Variants in STIM1 observed in about 807,000 individuals in gnomAD.
STIM1 encodes stromal interaction molecule 1.
Under a neutral mutation model 74.7 loss-of-function variants are expected in STIM1, and 25 were observed. The observed-to-expected ratio is 0.33, with a 90% CI of 0.24 to 0.47. STIM1 has a LOEUF of 0.47. Among genes scored for constraint, STIM1 ranks in the 20% least tolerant of loss-of-function variants. STIM1 has a pLI of 1.00. For missense variants in STIM1, 728 were observed against 920.8 expected (o/e 0.79, Z 2.71); for synonymous variants, 328 against 348.8 (o/e 0.94, Z 0.66).
intron 10 of STIM1, 155 bp downstream of exon 10, chr11:4,083,653 T>C (rs1410826788): frequency 1.4e-5 from 10 of 723,412 alleles, no homozygotes; most frequent in South Asian, 1.2e-4. Context: ...TTTACTCAGG[T>C]TATTTCTTTA....
intron 5 of STIM1, among the ~76,000 whole-genome samples, chr11:4,059,885 A>G (rs549402340): frequency 5.9e-5 from 9 of 152,254 alleles, no homozygotes; most frequent in Non-Finnish European, 1.3e-4. Flanking sequence ...ATGCTCAGGG[A>G]TAGAAGTAAC....
intron 5 of STIM1, among the ~76,000 whole-genome samples, chr11:4,065,897 G>GTA (rs1209748141): frequency 6.6e-6 from 1 of 152,180 alleles, no homozygotes; most frequent in African/African-American, 2.4e-5. Context: ...ATCTGCCAGG[G>GTA]TATTGTGTGA....
chr11:3,910,288 GA>G (rs1195173001), intron 1 of STIM1, among the ~76,000 whole-genome samples: 2 of 152,224 alleles, frequency 1.3e-5, no homozygotes, highest in African/African-American at 4.8e-5. Flanking sequence ...GGAAAGGTTA[GA>G]AAAGAGTATG....
chr11:3,885,868 G>T (rs574857142), intron 1 of STIM1, among the ~76,000 whole-genome samples: 62 of 152,130 alleles, frequency 4.1e-4, no homozygotes, highest in Non-Finnish European at 7.8e-4. Context: ...AAACTCCTGG[G>T]CTCAAGCAGT....
rs148272441 is a variant in STIM1, at chr11:4,080,521, T to C, written c.970-1663T>C. Among the ~76,000 whole-genome samples the C allele has an allele frequency of 4.2e-3, 612 of 147,128 alleles. 22 individuals carry two copies. Among genetic ancestry groups the C allele is most frequent in the Admixed American group, 0.036 (507 of 13,952 alleles). On this transcript the variant is annotated intron_variant, in intron 7 of 12. Transcript: ENST00000526596. ...TCACTCTATTGCCCAGGCTGGAGTGTGGTAGCACGATCTTGGCTCACTGCA... is the reference window on the plus strand; with the variant it reads ...TCACTCTATTGCCCAGGCTGGAGTGCGGTAGCACGATCTTGGCTCACTGCA...
At chr11:4,048,495 A>C (rs16929477) in intron 3 of STIM1, among the ~76,000 whole-genome samples, 2 of 152,028 alleles carry the variant, frequency 1.3e-5, no homozygotes, top group Non-Finnish European at 1.5e-5. Flanking sequence ...TAAGTTCAGC[A>C]TATCTGTATT....
chr11:3,862,884 A>ACG (rs1014809450), intron 1 of STIM1, among the ~76,000 whole-genome samples: 3 of 144,840 alleles, frequency 2.1e-5, no homozygotes, highest in African/African-American at 8.6e-5. Context: ...ACACACGCAC[A>ACG]CACACACACA....
intron 2 of STIM1, among the ~76,000 whole-genome samples, chr11:4,010,563 A>G (rs1034454798): frequency 6.6e-6 from 1 of 152,178 alleles, no homozygotes; most frequent in Non-Finnish European, 1.5e-5. Context: ...TGACTTCTGC[A>G]AACTTGTCTC....
At chr11:3,888,798 C>T (rs1367677573) in intron 1 of STIM1, among the ~76,000 whole-genome samples, 2 of 151,990 alleles carry the variant, frequency 1.3e-5, no homozygotes, top group Non-Finnish European at 2.9e-5. Context: ...GTGATCCGCC[C>T]GTGTCGGCTT....
At chr11:3,986,491 T>C (rs953535802) in intron 2 of STIM1, among the ~76,000 whole-genome samples, 1 of 152,178 alleles carries the variant, frequency 6.6e-6, no homozygotes, top group Non-Finnish European at 1.5e-5. Flanking sequence ...TGTGCCATAC[T>C]GAGGAACTTG....
At chr11:4,018,074 G>A (rs1428530570) in intron 2 of STIM1, among the ~76,000 whole-genome samples, 2 of 152,188 alleles carry the variant, frequency 1.3e-5, no homozygotes, top group African/African-American at 4.8e-5. Flanking sequence ...CAGCACTTTG[G>A]GAGGCCGAGA....
At chr11:3,904,066 A>G (rs1385178545) in intron 1 of STIM1, among the ~76,000 whole-genome samples, 4 of 151,800 alleles carry the variant, frequency 2.6e-5, no homozygotes, top group African/African-American at 4.8e-5. Flanking sequence ...GTGTGGTGGT[A>G]TGTGCCTGTA....
intron 1 of STIM1, among the ~76,000 whole-genome samples, chr11:3,931,302 C>T (rs991487440): frequency 1.3e-5 from 2 of 152,166 alleles, no homozygotes; most frequent in Non-Finnish European, 2.9e-5. Flanking sequence ...CATGTCAGTT[C>T]ATTTATTCAG....
chr11:4,052,648 T>G (rs1168937183), intron 3 of STIM1, among the ~76,000 whole-genome samples: 1 of 152,180 alleles, frequency 6.6e-6, no homozygotes, highest in African/African-American at 2.4e-5. Context: ...GAAGAAAACC[T>G]AGGCAATACC....
At chr11:3,869,142 T>C (rs1182626716) in intron 1 of STIM1, among the ~76,000 whole-genome samples, 1 of 152,168 alleles carries the variant, frequency 6.6e-6, no homozygotes, top group Non-Finnish European at 1.5e-5. Context: ...TTAATTTTTT[T>C]GTATTTTTAG....
chr11:3,910,095 T>C (rs1565111983), intron 1 of STIM1, among the ~76,000 whole-genome samples: 1 of 152,120 alleles, frequency 6.6e-6, no homozygotes, highest in South Asian at 2.1e-4. Context: ...GCAAGATGTT[T>C]AGGAGATAAG....
chr11:4,047,642 AG>A (rs199918425), intron 3 of STIM1, among the ~76,000 whole-genome samples: 23 of 150,314 alleles, frequency 1.5e-4, no homozygotes, highest in African/African-American at 5.7e-4. Context: ...AACAAAACAA[AG>A]ACAAAGACAA....
At chr11:3,991,962 A>G (rs1198110716) in intron 2 of STIM1, among the ~76,000 whole-genome samples, 6 of 120,116 alleles carry the variant, frequency 5.0e-5, no homozygotes, top group African/African-American at 1.5e-4. Flanking sequence ...AAAAAAAAAA[A>G]AAAAAAAAAA....
intron 1 of STIM1, among the ~76,000 whole-genome samples, chr11:3,940,985 A>G (rs559412687): frequency 2.0e-5 from 3 of 152,158 alleles, no homozygotes; most frequent in African/African-American, 7.2e-5. Context: ...TCTATATGCC[A>G]CCACTTAGTT....
Sources: gnomAD v4.1 joint callset for allele counts (sites outside exome capture counted in the v4.1 genomes callset) on GRCh38, gnomAD v4.1.1 for gene constraint, MANE v1.5 for transcripts, NCBI Gene and HGNC (gene_info 2026-07-23, HGNC 2026-07-21) for gene names.